The following PACSIN2 variants were observed in gnomAD, a reference collection of about 807,000 sequenced individuals.
The protein encoded by PACSIN2 is protein kinase C and casein kinase substrate in neurons 2, also known as protein kinase C and casein kinase substrate in neurons protein 2.
Under a neutral mutation model 63.8 loss-of-function variants are expected in PACSIN2, and 25 were observed. That is an observed-to-expected ratio of 0.39 (90% confidence interval 0.29 to 0.55). The LOEUF is 0.55. PACSIN2 is among the 20% of genes least tolerant of loss of function. The pLI, the probability that PACSIN2 is intolerant of heterozygous loss-of-function variation, is 0.62. For synonymous variants in PACSIN2, 255 were observed against 256.2 expected, an observed-to-expected ratio of 1.00 and a Z score of 0.05; for missense variants, 518 against 646.9, an observed-to-expected ratio of 0.80 and a Z score of 2.16.
chr22:42,881,995 G>A (rs1569214296), intron 7 of PACSIN2, among the ~76,000 whole-genome samples, 189 bp downstream of exon 7: 5 of 152,242 alleles, frequency 3.3e-5, no homozygotes, highest in Non-Finnish European at 7.3e-5. Context: ...GAAGGCCTTC[G>A]GTAATGCCTG....
At chr22:42,923,937 G>C (rs2146755131) in intron 1 of PACSIN2, among the ~76,000 whole-genome samples, 1 of 152,212 alleles carries the variant, frequency 6.6e-6, no homozygotes, top group South Asian at 2.1e-4. Flanking sequence ...AGCTACTCAG[G>C]GGGCTGAGGC....
At chr22:42,989,912 AT>A (rs923850974) in intron 1 of PACSIN2, among the ~76,000 whole-genome samples, 1 of 149,516 alleles carries the variant, frequency 6.7e-6, no homozygotes, top group Non-Finnish European at 1.5e-5. Context: ...ATATGTATAT[AT>A]ATGTGTGTAT....
At chr22:42,953,147 G>A (rs1418048905) in intron 1 of PACSIN2, among the ~76,000 whole-genome samples, 1 of 151,938 alleles carries the variant, frequency 6.6e-6, no homozygotes. Context: ...AACTGGACAA[G>A]TTGAGAGGGC....
At chr22:42,953,618 T>C (rs1393058114) in intron 1 of PACSIN2, among the ~76,000 whole-genome samples, 4 of 152,236 alleles carry the variant, frequency 2.6e-5, no homozygotes, top group Non-Finnish European at 5.9e-5. Flanking sequence ...TATATTTAAA[T>C]GCAGTGCTAA....
intron 6 of PACSIN2, among the ~76,000 whole-genome samples, chr22:42,883,519 C>G (rs1929231032): frequency 1.3e-5 from 2 of 152,190 alleles, no homozygotes; most frequent in African/African-American, 4.8e-5. Flanking sequence ...ATCACAGAAC[C>G]AAAGATGAGG....
At chr22:42,974,135 T>C (rs1412617450) in intron 1 of PACSIN2, among the ~76,000 whole-genome samples, 9 of 152,340 alleles carry the variant, frequency 5.9e-5, no homozygotes, top group East Asian at 5.8e-4. Context: ...ACTGTTGTCC[T>C]GAAATCTATG....
intron 1 of PACSIN2, among the ~76,000 whole-genome samples, chr22:42,975,876 AG>A (rs368453831): frequency 1.3e-5 from 2 of 152,294 alleles, no homozygotes; most frequent in African/African-American, 2.4e-5. Context: ...TTTCTAAACT[AG>A]GGGTAGATGA....
intron 1 of PACSIN2, among the ~76,000 whole-genome samples, chr22:42,940,441 G>A (rs758389367): frequency 6.6e-6 from 1 of 152,160 alleles, no homozygotes; most frequent in Non-Finnish European, 1.5e-5. Flanking sequence ...ATTACACCAG[G>A]TAGCTCTCAA....
At chr22:42,881,784 C>T (rs1929093678) in intron 7 of PACSIN2, among the ~76,000 whole-genome samples, 1 of 152,094 alleles carries the variant, frequency 6.6e-6, no homozygotes, top group Non-Finnish European at 1.5e-5. Context: ...GAGACCACCT[C>T]CCCTCCCCTG....
intron 1 of PACSIN2, among the ~76,000 whole-genome samples, chr22:42,944,835 C>T (rs956471524): frequency 1.3e-5 from 2 of 152,196 alleles, no homozygotes; most frequent in Non-Finnish European, 2.9e-5. Context: ...CGGTGGCTCA[C>T]GCCTATAATC....
intron 2 of PACSIN2, among the ~76,000 whole-genome samples, chr22:42,894,917 G>A (rs1035167912): frequency 4.2e-5 from 6 of 144,098 alleles, no homozygotes; most frequent in African/African-American, 1.6e-4. Flanking sequence ...GCACAGAGAT[G>A]GGCAAGGGGA....
At chr22:42,991,916 A>C (rs2146904683) in intron 1 of PACSIN2, among the ~76,000 whole-genome samples, 1 of 152,322 alleles carries the variant, frequency 6.6e-6, no homozygotes, top group South Asian at 2.1e-4. Context: ...TAACATTTCT[A>C]GACGAGACAT....
chr22:43,008,101 T>C (rs738381), intron 1 of PACSIN2, among the ~76,000 whole-genome samples: 88,086 of 152,140 alleles, frequency 0.58, 25,932 homozygotes, highest in East Asian at 0.81. Context: ...CTGTGTGCAG[T>C]ACTATCAGCT....
At chr22:42,930,996 G>A (rs2146774263) in intron 1 of PACSIN2, among the ~76,000 whole-genome samples, 1 of 152,370 alleles carries the variant, frequency 6.6e-6, no homozygotes, top group Admixed American at 6.5e-5. Flanking sequence ...AAGGGAGGCA[G>A]CATGCCAACC....
At chr22:42,999,877 A>G (rs1397786806) in intron 1 of PACSIN2, among the ~76,000 whole-genome samples, 1 of 152,232 alleles carries the variant, frequency 6.6e-6, no homozygotes, top group Non-Finnish European at 1.5e-5. Flanking sequence ...GTGGGAATCA[A>G]AGAGTCCCAA....
intron 2 of PACSIN2, among the ~76,000 whole-genome samples, chr22:42,902,142 T>C (rs1930734417): frequency 6.6e-6 from 1 of 152,116 alleles, no homozygotes; most frequent in African/African-American, 2.4e-5. Context: ...TCATGGAACT[T>C]ATGGCCAGAA....
intron 7 of PACSIN2, 69 bp downstream of exon 7, chr22:42,882,115 C>A: frequency 6.5e-7 from 1 of 1,546,310 alleles, no homozygotes; most frequent in Non-Finnish European, 8.9e-7. Context: ...AGAAAGACAT[C>A]ATCTAGCAAC....
intron 1 of PACSIN2, among the ~76,000 whole-genome samples, chr22:42,981,506 C>T (rs1213669683): frequency 1.2e-4 from 8 of 67,664 alleles, no homozygotes; most frequent in African/African-American, 3.9e-4. Context: ...CCAGCCGCCC[C>T]GTCCGGGAGG....
intron 1 of PACSIN2, among the ~76,000 whole-genome samples, chr22:42,915,593 A>G (rs1423573653): frequency 6.6e-6 from 1 of 152,216 alleles, no homozygotes; most frequent in African/African-American, 2.4e-5. Flanking sequence ...TTAAGAGTTC[A>G]TCTTAATGCT....
Sources: allele counts gnomAD v4.1 joint callset (sites outside exome capture counted in the v4.1 genomes callset), GRCh38; gene constraint gnomAD v4.1.1; transcripts MANE v1.5; gene names NCBI Gene and HGNC (gene_info 2026-07-23, HGNC 2026-07-21).